The following DTNA variants were observed in gnomAD, a reference collection of about 807,000 sequenced individuals.
DTNA encodes the protein dystrobrevin alpha.
Under a neutral mutation model 100.7 loss-of-function variants are expected in DTNA, and 43 were observed. That is an observed-to-expected ratio of 0.43 (90% CI 0.33 to 0.55). The LOEUF is 0.55. Among genes scored for constraint, DTNA ranks in the 20% least tolerant of loss-of-function variants. The pLI is 0.04. For synonymous variants in DTNA, 349 were observed against 347.9 expected (o/e 1.00, Z -0.04); for missense variants, 798 against 953.9 (o/e 0.84, Z 2.15).
intron 1 of DTNA, among the ~76,000 whole-genome samples, chr18:34,547,553 C>A (rs1046307311): frequency 6.6e-6 from 1 of 151,998 alleles, no homozygotes; most frequent in Non-Finnish European, 1.5e-5. Context: ...TACACATTGC[C>A]CTTATACTGG....
At position 34,665,173 on chromosome 18, in the gene DTNA, T is replaced by G. The variant is rs114951740; in HGVS notation, c.-1-90803T>G. ...AGAATTAGATGCTTCTGTCTTTTTA[T>G]GATTTCCAGTAAAAGTATCTCTTTG... On this transcript the variant is annotated intron_variant, in intron 1 of 19. Transcript: ENST00000283365. 5.1e-3 allele frequency among the ~76,000 whole-genome samples: 769 copies of G among 152,188 alleles called. 10 individuals carry two copies. Among genetic ancestry groups the G allele is most frequent in the African/African-American group, 0.018 (735 of 41,556 alleles).
chr18:34,565,851 A>C (rs550707247), intron 1 of DTNA, among the ~76,000 whole-genome samples: 1 of 152,192 alleles, frequency 6.6e-6, no homozygotes, highest in Non-Finnish European at 1.5e-5. Context: ...CCAGCATTCA[A>C]CCTGCTACAG....
intron 1 of DTNA, among the ~76,000 whole-genome samples, chr18:34,524,932 A>T (rs1029140968): frequency 1.3e-5 from 2 of 152,170 alleles, no homozygotes; most frequent in Non-Finnish European, 2.9e-5. Context: ...TGTATATAAA[A>T]GGTGAATTAT....
intron 11 of DTNA, among the ~76,000 whole-genome samples, chr18:34,834,435 G>A (rs961919708): frequency 2.6e-5 from 4 of 151,902 alleles, no homozygotes; most frequent in Admixed American, 6.6e-5. Flanking sequence ...CCCAGGAGGC[G>A]GAGGTTGCAG....
chr18:34,693,644 A>G (rs1280975297), intron 1 of DTNA, among the ~76,000 whole-genome samples: 5 of 152,184 alleles, frequency 3.3e-5, no homozygotes, highest in Admixed American at 3.3e-4. Flanking sequence ...GTATTAATTG[A>G]GAATTAACCA....
At chr18:34,626,294 A>G (rs1446434264) in intron 1 of DTNA, among the ~76,000 whole-genome samples, 5 of 152,214 alleles carry the variant, frequency 3.3e-5, no homozygotes, top group Non-Finnish European at 5.9e-5. Context: ...CTGCTCTACC[A>G]TAAAGGAGTA....
chr18:34,829,670 C>G (rs571782792), intron 11 of DTNA, among the ~76,000 whole-genome samples, 181 bp downstream of exon 11: 6 of 152,138 alleles, frequency 3.9e-5, no homozygotes, highest in South Asian at 4.1e-4. Context: ...CAGCTCTTTC[C>G]TCTCCTTTCC....
rs2096958599 is a variant in DTNA, at chr18:34,890,289, C to A, written c.*2555C>A. The A allele has an allele frequency of 6.5e-7, 1 of 1,530,862 alleles. No homozygotes were observed. The highest frequency in any genetic ancestry group is 2.4e-5 in the East Asian group (1 of 40,842). The allele number at this position is 1,530,862 out of a possible 1,614,324, so 94.8% of individuals were successfully genotyped here. A position where few individuals can be genotyped will look rare whatever the true frequency, so the allele number is the denominator to read the frequency against. ...ATTTCTGACTAACCAGCCACCTTTT[C>A]TCTCTCTTAGCTCCACGTCAGCACT... On this transcript the variant is annotated 3_prime_UTR_variant, in exon 23 of 23. Coordinates refer to ENST00000444659, the MANE Select transcript of DTNA (RefSeq NM_001386795.1).
chr18:34,498,264 A>G (rs1252430111), intron 1 of DTNA, among the ~76,000 whole-genome samples: 1 of 151,756 alleles, frequency 6.6e-6, no homozygotes, highest in Non-Finnish European at 1.5e-5. Context: ...AAATACGAAA[A>G]CAAAAGATTA....
At chr18:34,569,659 C>G (rs1400100822) in intron 1 of DTNA, among the ~76,000 whole-genome samples, 2 of 152,000 alleles carry the variant, frequency 1.3e-5, no homozygotes, top group Non-Finnish European at 2.9e-5. Flanking sequence ...GTTGACAAGT[C>G]AAAAATCTAC....
chr18:34,752,495 A>G (rs1171181960), intron 1 of DTNA, among the ~76,000 whole-genome samples: 1 of 152,198 alleles, frequency 6.6e-6, no homozygotes, highest in Non-Finnish European at 1.5e-5. Flanking sequence ...TTTGTCCTAG[A>G]GTCCCTCTAT....
chr18:34,610,974 T>A (rs1253845955), intron 1 of DTNA, among the ~76,000 whole-genome samples: 1 of 152,220 alleles, frequency 6.6e-6, no homozygotes, highest in East Asian at 1.9e-4. Flanking sequence ...ACACAAATTA[T>A]GCAATTAATT....
chr18:34,692,287 G>A (rs112769799), intron 1 of DTNA, among the ~76,000 whole-genome samples: 3,713 of 152,274 alleles, frequency 0.024, 175 homozygotes, highest in African/African-American at 0.085. Context: ...GAGGGGGTCC[G>A]TGGCACTCTG....
intron 1 of DTNA, among the ~76,000 whole-genome samples, chr18:34,612,931 T>G (rs748631883): frequency 1.3e-5 from 2 of 152,184 alleles, no homozygotes; most frequent in Non-Finnish European, 2.9e-5. Context: ...ACATATACAG[T>G]CATATTTCAT....
chr18:34,811,934 A>C, intron 5 of DTNA, 25 bp from the exon 6 acceptor site: 1 of 1,613,686 alleles, frequency 6.2e-7, no homozygotes, highest in Non-Finnish European at 8.5e-7. Flanking sequence ...GTGATGAATA[A>C]TATCTTTCCT....
chr18:34,886,633 C>T (rs1404792402), intron 22 of DTNA, among the ~76,000 whole-genome samples: 2 of 152,196 alleles, frequency 1.3e-5, no homozygotes. Context: ...AATTTCAGTA[C>T]TCTAGAAGTT....
rs768198248 is a variant in DTNA at position 34,838,101 on chromosome 18, C to G, written c.1183C>G (p.Pro395Ala). The G allele has an allele frequency of 6.2e-7, 1 of 1,613,664 alleles. No homozygotes were observed. The highest frequency in any genetic ancestry group is 1.3e-5 in the African/African-American group (1 of 74,914). Residue 395 changes from proline to alanine, a missense_variant, in exon 12 of 23, where the codon CCC (proline) becomes GCC (alanine). Physicochemically the swap from Pro to Ala is conservative, Grantham distance 27. Transcript: ENST00000444659. ...TCCCATCTTATTAACTAGCTCTCCT[C>G]CCAAGGACAGTGAAGTAGAGCAGAA... The part of the protein sequence containing the change: ...NQLDHGARSP[P>A]KDSEVEQNKL...
intron 13 of DTNA, among the ~76,000 whole-genome samples, chr18:34,839,415 A>G (rs113590140): frequency 1.1e-3 from 171 of 152,334 alleles, no homozygotes; most frequent in African/African-American, 3.4e-3. Flanking sequence ...TTAGTTTCAG[A>G]TATGTTAAAT....
intron 1 of DTNA, among the ~76,000 whole-genome samples, chr18:34,573,696 A>AT (rs949408120): frequency 3.3e-5 from 5 of 152,310 alleles, no homozygotes; most frequent in Admixed American, 2.0e-4. Flanking sequence ...TGTAGGTATC[A>AT]TTTTTTGTGG....
Sources: allele counts gnomAD v4.1 joint callset (sites outside exome capture counted in the v4.1 genomes callset), GRCh38; gene constraint gnomAD v4.1.1; transcripts MANE v1.5; gene names NCBI Gene and HGNC (gene_info 2026-07-23, HGNC 2026-07-21).